The following CHD7 variants were observed in gnomAD, a reference collection of about 807,000 sequenced individuals.
CHD7 encodes the protein chromodomain helicase DNA binding protein 7.
In CHD7, 24 loss-of-function variants were observed where a neutral mutation model predicts 307.3. The ratio of observed to expected loss-of-function variants is 0.08; its 90% CI spans 0.06 to 0.11. CHD7 has a LOEUF of 0.11. Among genes scored for constraint, CHD7 ranks in the 10% least tolerant of loss-of-function variants. The pLI is 1.00. For missense variants in CHD7, 3,106 were observed against 3,727.1 expected, an observed-to-expected ratio of 0.83 and a Z score of 4.34; for synonymous variants, 1,363 against 1,349.9, an observed-to-expected ratio of 1.01 and a Z score of -0.21.
At position 60,865,398 on chromosome 8, in the gene CHD7, T is replaced by C; in HGVS notation, c.8459T>C (p.Leu2820Pro). ...FGLGGLLNNP[L>P]SAATGNTTTA... ...TTGGGCGGGCTGTTGAATAACCCTC[T>C]GTCAGCTGCTACTGGAAACACCACT... is the stretch of plus-strand genomic sequence containing the variant. The change falls in exon 38 of 38, where the codon CTG becomes CCG. Residue 2820 changes from leucine to proline, a missense_variant. Transcript: ENST00000423902. The surrounding 1 kb of genome is among the most constrained non-coding windows in gnomAD (Gnocchi z 4.3). The C allele has an allele frequency of 1.2e-6, 2 of 1,613,626 alleles. No homozygotes were observed. Among genetic ancestry groups the C allele is most frequent in the Non-Finnish European group, 1.7e-6 (2 of 1,179,812 alleles).
chr8:60,863,021 AAC>A (rs1264907001), intron 37 of CHD7: 1 of 169,892 alleles, frequency 5.9e-6, no homozygotes, highest in African/African-American at 2.7e-5. Flanking sequence ...AACAAAACAA[AAC>A]AAAACAAAAA....
At chr8:60,808,838 C>T (rs1812656886) in intron 7 of CHD7, 1 of 152,756 alleles carries the variant, frequency 6.5e-6, no homozygotes, top group Non-Finnish European at 1.5e-5. Flanking sequence ...GTAAGCAGTA[C>T]ACCTGGCCCA....
chr8:60,793,877 C>T lies in CHD7; in HGVS notation c.2097-1109C>T, dbSNP rs1354098125. ...TGACTCAATGCCTGAAATCTCAGCA[C>T]TTTGGGAGGCCGAGGCAGGTGGATC... On this transcript the variant is annotated intron_variant, in intron 3 of 37. Coordinates refer to ENST00000423902, the MANE Select transcript of CHD7 (RefSeq NM_017780.4). 7.9e-5 allele frequency among the ~76,000 whole-genome samples: 12 copies of T among 152,150 alleles called. No individual in the cohort carries two copies. The East Asian group carries it at 2.3e-3, about 29-fold the overall frequency.
chr8:60,783,276 T>C (rs79900498), intron 3 of CHD7, among the ~76,000 whole-genome samples: 5 of 152,222 alleles, frequency 3.3e-5, no homozygotes, highest in Non-Finnish European at 7.3e-5. Flanking sequence ...GGGGCAGATA[T>C]TAAAATGCTG....
intron 7 of CHD7, chr8:60,808,926 CCT>C (rs1812661614): frequency 6.6e-6 from 1 of 152,112 alleles, no homozygotes; most frequent in Admixed American, 6.6e-5. Flanking sequence ...CATTTTGTAA[CCT>C]AAATAACAAT....
chr8:60,747,895 T>C (rs1322502338), intron 2 of CHD7, among the ~76,000 whole-genome samples: 1 of 152,254 alleles, frequency 6.6e-6, no homozygotes, highest in Non-Finnish European at 1.5e-5. Flanking sequence ...AGTAGTAATG[T>C]CTTTTAAGTG....
At chr8:60,796,972 A>G (rs1029262244) in intron 4 of CHD7, among the ~76,000 whole-genome samples, 4 of 152,236 alleles carry the variant, frequency 2.6e-5, no homozygotes, top group African/African-American at 9.7e-5. Context: ...AAACATTTAA[A>G]TGTTCTATTT....
rs548171171 is a variant in CHD7, at chr8:60,821,328, T to C, written c.2698-462T>C. Among the ~76,000 whole-genome samples the C allele has an allele frequency of 1.5e-3, 230 of 152,302 alleles. 1 individual carries two copies. The highest frequency in any genetic ancestry group is 2.5e-3 in the Non-Finnish European group (167 of 68,016). ...TTGGCTTTCGAACATCACTTACCAA[T>C]GATTTTGATAAAAGGCTAATTTGTT... On this transcript the variant is annotated intron_variant, in intron 9 of 37. Coordinates refer to ENST00000423902, the MANE Select transcript of CHD7 (RefSeq NM_017780.4).
intron 2 of CHD7, among the ~76,000 whole-genome samples, chr8:60,749,970 T>A (rs563490877): frequency 3.9e-4 from 60 of 152,334 alleles, no homozygotes; most frequent in African/African-American, 1.4e-3. Context: ...TCCAACAAGC[T>A]GGTTTATCCC....
chr8:60,765,696 G>T (rs1810440652), intron 2 of CHD7, among the ~76,000 whole-genome samples: 1 of 152,238 alleles, frequency 6.6e-6, no homozygotes, highest in Non-Finnish European at 1.5e-5. Flanking sequence ...GAGGACATGG[G>T]CCAGGAGGGC....
At chr8:60,796,284 G>C (rs1259537066) in intron 4 of CHD7, among the ~76,000 whole-genome samples, 6 of 152,156 alleles carry the variant, frequency 3.9e-5, no homozygotes, top group Admixed American at 3.9e-4. Context: ...ATATTGGGAA[G>C]GTAAGTAGAT....
Position 60,856,489 on chromosome 8 carries a change from G to A in CHD7, c.7209G>A (p.Arg2403=), listed in dbSNP as rs61746518. Residue 2403 remains arginine, a synonymous_variant, in exon 34 of 38, where the codon AGG becomes AGA. Transcript: ENST00000423902. ...NLSVPRQRRR[R]RRKIEIEAER... ...CTGTCCCTCGCCAGCGGAGGAGGAG[G>A]AGGAGAAAAATCGAAATTGAGGCCG... The A allele has an allele frequency of 4.5e-4, 728 of 1,613,726 alleles. 3 individuals are homozygous for A. The African/African-American group carries it at 8.1e-3, about 18-fold the overall frequency.
chr8:60,747,371 C>A lies in CHD7; in HGVS notation c.1665+4274C>A, dbSNP rs191581613. Reference sequence around the variant, plus strand: ...GGGATTACAGGCATGAGCCACCCTGCCTGGCTAAAATATTGATGAAAGTTT... The same window carrying A: ...GGGATTACAGGCATGAGCCACCCTGACTGGCTAAAATATTGATGAAAGTTT... On this transcript the variant is annotated intron_variant, in intron 2 of 37. Transcript: ENST00000423902. Among the ~76,000 whole-genome samples, 4 of 152,144 alleles carry A rather than the reference C, an allele frequency of 2.6e-5. No homozygotes were observed. In the East Asian group the frequency reaches 7.7e-4, roughly 29 times the overall value.
chr8:60,856,525 C>G lies in CHD7; in HGVS notation c.7245C>G (p.Ala2415=). The G allele has an allele frequency of 6.2e-7, 1 of 1,613,874 alleles. No homozygotes were observed. Among genetic ancestry groups the G allele is most frequent in the Non-Finnish European group, 8.5e-7 (1 of 1,179,858 alleles). ...TCGAAATTGAGGCCGAAAGAGCTGC[C>G]AAGAGGCGAAATCTCATGGAGATGG... ...RKIEIEAERA[A]KRRNLMEMVA... The change falls in exon 34 of 38, where the codon GCC becomes GCG. Residue 2415 remains alanine (A), a synonymous_variant. Coordinates refer to ENST00000423902, the MANE Select transcript of CHD7 (RefSeq NM_017780.4).
Position 60,777,632 on chromosome 8 carries a change from C to A in CHD7, c.1666-3368C>A, listed in dbSNP as rs1039028004. On this transcript the variant is annotated intron_variant, in intron 2 of 37. Transcript: ENST00000423902. Reference sequence around the variant, plus strand: ...TTAAATTTGCATCTTGTCCATTCTGCTGTTTTATATACGATAATTTAGTTG... The same window carrying A: ...TTAAATTTGCATCTTGTCCATTCTGATGTTTTATATACGATAATTTAGTTG... 1.3e-4 allele frequency among the ~76,000 whole-genome samples: 20 copies of A among 152,146 alleles called. 1 individual carries two copies. Among genetic ancestry groups the A allele is most frequent in the Admixed American group, 4.6e-4 (7 of 15,274 alleles).
In CHD7 at chr8:60,821,883, G is replaced by C; in HGVS notation, c.2791G>C (p.Glu931Gln). The C allele has an allele frequency of 6.2e-7, 1 of 1,611,168 alleles. No individual in the cohort carries two copies. Among genetic ancestry groups the C allele is most frequent in the Non-Finnish European group, 8.5e-7 (1 of 1,178,488 alleles). The change falls in exon 10 of 38, where the codon GAG becomes CAG. Residue 931 changes from glutamate (E) to glutamine (Q), a missense_variant. Physicochemically the swap from Glu to Gln is conservative, Grantham distance 29. This residue lies in a region of CHD7 where 188 missense variants were observed against 261.7 expected (regional missense o/e 0.72). Transcript: ENST00000423902. Reference sequence around the variant, plus strand: ...GGACATAGATCAAGCAAAGATCGAGGAGTTTGAGAAACTAATGTCCAGGGA... The same window carrying C: ...GGACATAGATCAAGCAAAGATCGAGCAGTTTGAGAAACTAATGTCCAGGGA... The part of the protein sequence containing the change: ...RQDIDQAKIE[E>Q]FEKLMSREPE...
At chr8:60,682,144 G>A (rs1400159208) in intron 1 of CHD7, among the ~76,000 whole-genome samples, 1 of 152,080 alleles carries the variant, frequency 6.6e-6, no homozygotes, top group East Asian at 1.9e-4. Context: ...TTATAACAAC[G>A]TATTCAGTAA....
chr8:60,756,678 G>A (rs2150608211), intron 2 of CHD7, among the ~76,000 whole-genome samples: 1 of 152,258 alleles, frequency 6.6e-6, no homozygotes, highest in Non-Finnish European at 1.5e-5. Flanking sequence ...GCAGCATAGT[G>A]AGACTGTCTC....
At chr8:60,708,733 C>T (rs1807133135) in intron 1 of CHD7, among the ~76,000 whole-genome samples, 1 of 152,222 alleles carries the variant, frequency 6.6e-6, no homozygotes, top group Admixed American at 6.5e-5. Context: ...CTCAGCTTTG[C>T]CTGTCGAAAT....
Sources: gnomAD v4.1 joint callset for allele counts (sites outside exome capture counted in the v4.1 genomes callset) on GRCh38, gnomAD v4.1.1 for gene constraint, gnomAD v4.1.1 regional missense constraint, Gnocchi (gnomAD v3.1) non-coding constraint, MANE v1.5 for transcripts, NCBI Gene and HGNC (gene_info 2026-07-23, HGNC 2026-07-21) for gene names.